TENM1: variants seen among roughly 807,000 people sequenced by gnomAD.
The protein encoded by TENM1 is teneurin-1.
Under a neutral mutation model 174.8 loss-of-function variants are expected in TENM1, and 35 were observed. That is an observed-to-expected ratio of 0.20 (90% CI 0.15 to 0.27). The LOEUF (loss-of-function observed/expected upper bound fraction) is 0.27, where lower values mean the gene tolerates loss of function less well. Among genes scored for constraint, TENM1 ranks in the 10% least tolerant of loss-of-function variants. The pLI, the probability that TENM1 is intolerant of heterozygous loss-of-function variation, is 1.00. For missense variants in TENM1, 1,633 were observed against 2,130.1 expected (o/e 0.77, Z 4.59); for synonymous variants, 781 against 798.7 (o/e 0.98, Z 0.37).
chrX:125,175,032 T>C, the TENM1 span, among the ~76,000 whole-genome samples: 1 of 111,652 alleles, frequency 9.0e-6, no homozygotes, highest in South Asian at 3.7e-4. Context: ...ACTTGCTAGA[T>C]CATACACATG....
the TENM1 span, among the ~76,000 whole-genome samples, chrX:125,147,838 G>C: frequency 5.4e-5 from 6 of 111,657 alleles, no homozygotes; most frequent in African/African-American, 2.0e-4. Flanking sequence ...ATTTATAAAT[G>C]TTTTTTACAC....
chrX:124,746,565 G>A (rs996557724), intron 3 of TENM1, among the ~76,000 whole-genome samples: 3 of 110,756 alleles, frequency 2.7e-5, no homozygotes, highest in Non-Finnish European at 5.7e-5. Context: ...TTATCTCCCC[G>A]GACTCACTCC....
chrX:124,515,843 A>C (rs2047690684), intron 18 of TENM1, among the ~76,000 whole-genome samples: 1 of 110,388 alleles, frequency 9.1e-6, no homozygotes, highest in Non-Finnish European at 1.9e-5. Flanking sequence ...AGAAAAAAAA[A>C]AACCTCTAAA....
In TENM1 at chrX:124,837,302, T is replaced by C. The variant is rs145604564; in HGVS notation, c.535+56994A>G. On this transcript the variant is annotated intron_variant, in intron 3 of 31. Coordinates refer to ENST00000422452, the Ensembl canonical transcript of TENM1. ...CAGGGTTTCACCAAGTTGGTCAGGC[T>C]GGTCTCAAACTCCTAACTTCAGGTG... Among the ~76,000 whole-genome samples, 78 of 111,902 alleles carry C rather than the reference T, an allele frequency of 7.0e-4. 1 individual carries two copies. Among genetic ancestry groups the C allele is most frequent in the African/African-American group, 2.5e-3 (76 of 30,781 alleles).
In TENM1 at chrX:124,520,599, G is replaced by A. The variant is rs1052496712; in HGVS notation, c.3219C>T (p.Ala1073=). ...CAAATGTGTAGACAAGATTAATTGC[G>A]GCGGGAAACCACTTCTGTGTGAGTC... The change falls in exon 18 of 32, where the codon GCC becomes GCT. Residue 1073 remains alanine (A), a synonymous_variant. Coordinates refer to ENST00000422452, the Ensembl canonical transcript of TENM1. The A allele has an allele frequency of 8.3e-7, 1 of 1,210,873 alleles. No homozygotes were observed. The highest frequency in any genetic ancestry group is 1.8e-5 in the South Asian group (1 of 56,932).
chrX:125,033,995 T>C, the TENM1 span, among the ~76,000 whole-genome samples: 1 of 111,765 alleles, frequency 8.9e-6, no homozygotes, highest in African/African-American at 3.3e-5. Context: ...ATAACCTTTT[T>C]GCATTTGCCC....
the TENM1 span, among the ~76,000 whole-genome samples, chrX:125,199,284 G>A: frequency 9.0e-6 from 1 of 111,694 alleles, no homozygotes; most frequent in African/African-American, 3.3e-5. Flanking sequence ...CCTAGATTCA[G>A]TCATAGAAAT....
intron 3 of TENM1, among the ~76,000 whole-genome samples, chrX:124,883,324 T>C (rs770808284): frequency 8.9e-6 from 1 of 112,283 alleles, no homozygotes; most frequent in African/African-American, 3.2e-5. Context: ...CCTTTAGCTG[T>C]AAACAACATC....
the TENM1 span, among the ~76,000 whole-genome samples, chrX:125,164,058 G>A: frequency 9.0e-6 from 1 of 111,657 alleles, no homozygotes; most frequent in African/African-American, 3.3e-5. Flanking sequence ...AACACATAGT[G>A]CTTATGTAAT....
intron 3 of TENM1, among the ~76,000 whole-genome samples, chrX:124,820,505 C>A (rs1936588458): frequency 9.0e-6 from 1 of 111,658 alleles, no homozygotes. Flanking sequence ...TTAGAAGGGT[C>A]CTTGAAGTTC....
intron 1 of TENM1, among the ~76,000 whole-genome samples, chrX:124,908,655 C>T (rs2057787617): frequency 9.0e-6 from 1 of 110,794 alleles, no homozygotes; most frequent in African/African-American, 3.3e-5. Context: ...GTTCTCAGAA[C>T]TTAAAGTAAA....
the TENM1 span, among the ~76,000 whole-genome samples, chrX:125,120,129 A>G: frequency 9.0e-6 from 1 of 111,706 alleles, no homozygotes; most frequent in East Asian, 2.8e-4. Flanking sequence ...TGAGTAAGAG[A>G]CTTTTTCCAG....
chrX:124,775,100 G>C (rs905089365), intron 3 of TENM1, among the ~76,000 whole-genome samples: 1 of 110,243 alleles, frequency 9.1e-6, no homozygotes, highest in Admixed American at 9.7e-5. Flanking sequence ...TAATTAGTTA[G>C]AATAACAACA....
At chrX:124,739,450 A>G (rs2053751010) in intron 3 of TENM1, among the ~76,000 whole-genome samples, 1 of 111,350 alleles carries the variant, frequency 9.0e-6, no homozygotes, top group Non-Finnish European at 1.9e-5. Context: ...CAACTTGGAT[A>G]CTTTTTCCTG....
the TENM1 span, among the ~76,000 whole-genome samples, chrX:125,112,452 T>C: frequency 9.0e-6 from 1 of 110,756 alleles, no homozygotes; most frequent in Non-Finnish European, 1.9e-5. Flanking sequence ...TATAAGGCAA[T>C]AGTCAAACAT....
chrX:124,744,917 C>A (rs900711897), intron 3 of TENM1, among the ~76,000 whole-genome samples: 2 of 111,716 alleles, frequency 1.8e-5, no homozygotes, highest in Non-Finnish European at 3.8e-5. Context: ...AAAGATAGAA[C>A]GCAATGTTTG....
chrX:124,632,645 C>G (rs2050788382), intron 11 of TENM1, among the ~76,000 whole-genome samples: 1 of 110,500 alleles, frequency 9.0e-6, no homozygotes, highest in African/African-American at 3.3e-5. Context: ...TTTGTATCAT[C>G]AAAGCTCAAT....
At chrX:124,739,527 AG>A (rs2053753099) in intron 3 of TENM1, among the ~76,000 whole-genome samples, 1 of 111,696 alleles carries the variant, frequency 9.0e-6, no homozygotes, top group Non-Finnish European at 1.9e-5. Context: ...ACATTTTAAC[AG>A]ATAGACTGAA....
intron 8 of TENM1, among the ~76,000 whole-genome samples, chrX:124,648,036 T>C (rs139795645): frequency 2.6e-3 from 288 of 111,351 alleles, no homozygotes; most frequent in African/African-American, 8.8e-3. Flanking sequence ...ATTTCTACAA[T>C]TGTGGCCTGT....
Sources: allele counts gnomAD v4.1 joint callset (sites outside exome capture counted in the v4.1 genomes callset), GRCh38; gene constraint gnomAD v4.1.1; transcripts MANE v1.5; gene names NCBI Gene and HGNC (gene_info 2026-07-23, HGNC 2026-07-21).